SLC25A42: variants seen among roughly 807,000 people sequenced by gnomAD.
SLC25A42 encodes the protein solute carrier family 25 member 42.
SLC25A42 carries 19 observed loss-of-function variants against 34.7 expected under a neutral mutation model. The observed-to-expected ratio is 0.55, with a 90% CI of 0.38 to 0.80. SLC25A42 has a LOEUF of 0.80. SLC25A42 is among the 30% of genes least tolerant of loss of function. SLC25A42 has a pLI of 0.00. For synonymous variants in SLC25A42, 205 were observed against 191.2 expected (o/e 1.07, Z -0.59); for missense variants, 364 against 441.3 (o/e 0.82, Z 1.57).
At chr19:19,107,746 G>A (rs1160382830) in intron 6 of SLC25A42, 148 bp from the exon 7 acceptor site, 4 of 721,852 alleles carry the variant, frequency 5.5e-6, no homozygotes, top group Non-Finnish European at 9.3e-6. Flanking sequence ...TTGAGTGATG[G>A]GGTTATATGT....
chr19:19,107,033 T>C (rs1428875689), intron 6 of SLC25A42: 1 of 150,078 alleles, frequency 6.7e-6, no homozygotes, highest in Non-Finnish European at 1.5e-5. Context: ...AGACCGGGCT[T>C]GGGCCCAGGT....
chr19:19,106,253 C>T lies in SLC25A42; in HGVS notation c.381-16C>T, dbSNP rs1388091769. On this transcript the variant is annotated splice_polypyrimidine_tract_variant and intron_variant, in intron 5 of 7. Coordinates refer to ENST00000318596, the MANE Select transcript of SLC25A42 (RefSeq NM_178526.5). ...CCCCTCACTGCCGTCTCGCCTTCTC[C>T]TCCTGCCCTGTTCAGAGCCCTGCCC... 1.2e-5 allele frequency: 20 copies of T among 1,606,610 alleles called. No homozygotes were observed. The highest frequency in any genetic ancestry group is 1.7e-5 in the Non-Finnish European group (20 of 1,178,158).
intron 1 of SLC25A42, among the ~76,000 whole-genome samples, chr19:19,071,743 G>A (rs896529209): frequency 6.6e-6 from 1 of 152,068 alleles, no homozygotes; most frequent in Admixed American, 6.6e-5. Context: ...GCAGGCACCT[G>A]TAATCTCAGC....
chr19:19,081,269 C>T lies in SLC25A42; in HGVS notation c.-34-14822C>T, dbSNP rs2059680433. The stretch of plus-strand genomic sequence containing the variant: ...CCCAAGTGGCCCCAGGGTGACTTTC[C>T]AGCACTGGACCCATAAGGAACCACA... On this transcript the variant is annotated intron_variant, in intron 1 of 7. Coordinates refer to ENST00000318596, the MANE Select transcript of SLC25A42 (RefSeq NM_178526.5). This position sits in a 1 kb window ranked among gnomAD's most constrained non-coding sequence, Gnocchi z 4.5. Among the ~76,000 whole-genome samples the T allele has an allele frequency of 6.6e-6, 1 of 152,010 alleles. No individual in the cohort carries two copies. The highest frequency in any genetic ancestry group is 1.5e-5 in the Non-Finnish European group (1 of 68,002).
intron 7 of SLC25A42, 25 bp from the exon 8 acceptor site, chr19:19,110,544 G>C: frequency 2.2e-6 from 3 of 1,377,436 alleles, no homozygotes; most frequent in East Asian, 3.0e-5. Flanking sequence ...GCGCCTTCAC[G>C]GCCCTCCCGC....
chr19:19,088,778 A>C (rs1008185860), intron 1 of SLC25A42, among the ~76,000 whole-genome samples: 12 of 150,454 alleles, frequency 8.0e-5, no homozygotes, highest in Non-Finnish European at 1.5e-4. Context: ...GATTACAGGC[A>C]TGAGCCACTG....
rs2059681555 is a variant in SLC25A42 at position 19,081,430 on chromosome 19, T to A, written c.-34-14661T>A. On this transcript the variant is annotated intron_variant, in intron 1 of 7. Transcript: ENST00000318596. The surrounding 1 kb of genome is among the most constrained non-coding windows in gnomAD (Gnocchi z 4.5). ...TAAATAAACAGAAGCATGTTTCATGTTTTGTCCTCATAGCGTCCCTGGCAG... is the reference window on the plus strand; with the variant it reads ...TAAATAAACAGAAGCATGTTTCATGATTTGTCCTCATAGCGTCCCTGGCAG... Among the ~76,000 whole-genome samples the A allele has an allele frequency of 6.6e-6, 1 of 152,192 alleles. No homozygotes were observed. The highest frequency in any genetic ancestry group is 1.5e-5 in the Non-Finnish European group (1 of 68,030).
At position 19,072,805 on chromosome 19, in the gene SLC25A42, AGTAG is replaced by A. The variant is rs2059637779; in HGVS notation, c.-35+8691_-35+8694del. Among the ~76,000 whole-genome samples the A allele has an allele frequency of 2.0e-5, 3 of 151,982 alleles. No homozygotes were observed. The South Asian group carries it at 6.2e-4, about 32-fold the overall frequency. ...GTGATCTTCCCACCTCAACCTCCTG[AGTAG>A]CTGAGACTATAAGTGTGCGCCACCA... is the stretch of plus-strand genomic sequence containing the variant. On this transcript the variant is annotated intron_variant, in intron 1 of 7. Transcript: ENST00000318596.
intron 1 of SLC25A42, among the ~76,000 whole-genome samples, chr19:19,084,676 C>T (rs2059698340): frequency 6.6e-6 from 1 of 152,322 alleles, no homozygotes; most frequent in East Asian, 1.9e-4. Context: ...GGAATACCCA[C>T]TTGACAGAGG....
intron 1 of SLC25A42, among the ~76,000 whole-genome samples, chr19:19,089,136 C>T (rs928429211): frequency 6.6e-6 from 1 of 152,194 alleles, no homozygotes; most frequent in Non-Finnish European, 1.5e-5. Context: ...AAATGGGCAC[C>T]TGTTCTTTCT....
intron 1 of SLC25A42, among the ~76,000 whole-genome samples, chr19:19,085,452 G>A (rs907443427): frequency 1.3e-5 from 2 of 151,586 alleles, no homozygotes; most frequent in African/African-American, 4.9e-5. Context: ...CGCGATCTCA[G>A]CCCACTGCAA....
Position 19,101,822 on chromosome 19 carries a change from C to T in SLC25A42, c.123C>T (p.Ala41=). 2 of 1,613,928 alleles carry T rather than the reference C, an allele frequency of 1.2e-6. No individual in the cohort carries two copies. The highest frequency in any genetic ancestry group is 1.7e-6 in the Non-Finnish European group (2 of 1,179,886). The change falls in exon 3 of 8, where the codon GCC becomes GCT. Residue 41 remains alanine (A), a synonymous_variant. Transcript: ENST00000318596. ...RQVLSSLLSG[A]LAGALAKTAV... Reference sequence around the variant, plus strand: ...TGCTCAGCTCCCTGCTGTCTGGGGCCCTGGCTGGTGCCCTTGCCAAAACAG... The same window carrying T: ...TGCTCAGCTCCCTGCTGTCTGGGGCTCTGGCTGGTGCCCTTGCCAAAACAG...
intron 4 of SLC25A42, 97 bp downstream of exon 4, chr19:19,105,035 G>A (rs2059818635): frequency 2.1e-6 from 3 of 1,412,054 alleles, no homozygotes; most frequent in African/African-American, 1.4e-5. Context: ...AGTCTCAGGG[G>A]TGGGGACAGG....
At chr19:19,104,233 C>T (rs2059813770) in intron 3 of SLC25A42, among the ~76,000 whole-genome samples, 1 of 152,102 alleles carries the variant, frequency 6.6e-6, no homozygotes, top group African/African-American at 2.4e-5. Context: ...CCTTTAAGTG[C>T]GCATGAGCAG....
rs561094638 is a variant in SLC25A42 at position 19,104,589 on chromosome 19, C to T, written c.188-324C>T. Among the ~76,000 whole-genome samples, 11 of 152,326 alleles carry T rather than the reference C, an allele frequency of 7.2e-5. No individual in the cohort carries two copies. In the South Asian group the frequency reaches 2.3e-3, roughly 32 times the overall value. On this transcript the variant is annotated intron_variant, in intron 3 of 7. Coordinates refer to ENST00000318596, the MANE Select transcript of SLC25A42 (RefSeq NM_178526.5). ...GGCAGACCCCACATGTAGACCCCTG[C>T]AGGCCTTGTTCTGAGAGAGCCAGGG...
Position 19,109,625 on chromosome 19 carries a change from G to T in SLC25A42, c.650-944G>T, listed in dbSNP as rs2059852082. 2.0e-5 allele frequency among the ~76,000 whole-genome samples: 3 copies of T among 152,246 alleles called. No homozygotes were observed. In the South Asian group the frequency reaches 6.2e-4, roughly 32 times the overall value. The stretch of plus-strand genomic sequence containing the variant: ...TTTGTGTGTTTTTGGTAGAGACAGG[G>T]TTTCTCCATGTTGGCCAGGCTGGTC... On this transcript the variant is annotated intron_variant, in intron 7 of 7. Transcript: ENST00000318596. The surrounding 1 kb of genome is among the most constrained non-coding windows in gnomAD (Gnocchi z 4.1).
intron 2 of SLC25A42, 49 bp downstream of exon 2, chr19:19,096,254 T>TCGCCCCCCCCCCCCCCCCCCCCCC: frequency 6.9e-7 from 1 of 1,456,752 alleles, no homozygotes; most frequent in Non-Finnish European, 9.4e-7. Flanking sequence ...GGCCCCAGCC[T>TCGCCCCCCCCCCCCCCCCCCCCCC]CCCCACCCCC....
chr19:19,082,863 G>T (rs2059688337), intron 1 of SLC25A42, among the ~76,000 whole-genome samples: 1 of 151,712 alleles, frequency 6.6e-6, no homozygotes, highest in South Asian at 2.1e-4. Flanking sequence ...TGTCACCCAG[G>T]CTAGAGTGTA....
chr19:19,093,541 T>G (rs1017644778), intron 1 of SLC25A42, among the ~76,000 whole-genome samples: 1 of 152,188 alleles, frequency 6.6e-6, no homozygotes, highest in African/African-American at 2.4e-5. Flanking sequence ...TCCCACCTGA[T>G]CTTTAGTCCT....
Sources: allele counts gnomAD v4.1 joint callset (sites outside exome capture counted in the v4.1 genomes callset), GRCh38; gene constraint gnomAD v4.1.1; non-coding constraint Gnocchi (gnomAD v3.1); transcripts MANE v1.5; gene names NCBI Gene and HGNC (gene_info 2026-07-23, HGNC 2026-07-21).